The following COLEC10 variants were observed in gnomAD, a reference collection of about 807,000 sequenced individuals.
COLEC10 encodes the protein collectin-10.
COLEC10 carries 22 observed loss-of-function variants against 28.4 expected under a neutral mutation model. That is an observed-to-expected ratio of 0.78 (90% CI 0.55 to 1.11). The LOEUF (loss-of-function observed/expected upper bound fraction) is 1.11. Ranked by LOEUF, COLEC10 falls within the 50% of genes least tolerant of loss-of-function variation. The pLI is 0.00. For missense variants in COLEC10, 361 were observed against 344.1 expected, an observed-to-expected ratio of 1.05 and a Z score of -0.39; for synonymous variants, 125 against 116.1, an observed-to-expected ratio of 1.08 and a Z score of -0.49.
At position 119,039,356 on chromosome 8, in the gene COLEC10, C is replaced by T. The variant is rs570174491; in HGVS notation, n.235+29803C>T. Among the ~76,000 whole-genome samples the T allele has an allele frequency of 1.9e-4, 29 of 152,292 alleles. No individual in the cohort carries two copies. The South Asian group carries it at 5.8e-3, about 30-fold the overall frequency. On this transcript the variant is annotated intron_variant and non_coding_transcript_variant, in intron 2 of 6. Transcript: ENST00000521788. ...CTGCTAGGTGACCCATAGCTTAATG[C>T]ACTTCCCCTACTTTAAAGTTAATGC...
At chr8:119,037,414 T>A (rs1158285462) in intron 2 of COLEC10, among the ~76,000 whole-genome samples, 1 of 152,166 alleles carries the variant, frequency 6.6e-6, no homozygotes, top group African/African-American at 2.4e-5. Flanking sequence ...ACTTGATATT[T>A]TTTTTTTCCT....
chr8:118,981,794 C>A, the COLEC10 span, among the ~76,000 whole-genome samples: 1 of 152,032 alleles, frequency 6.6e-6, no homozygotes, highest in Non-Finnish European at 1.5e-5. Flanking sequence ...GTATTTTAGG[C>A]CCAGGTGATG....
chr8:119,043,294 A>G (rs1451800059), intron 2 of COLEC10, among the ~76,000 whole-genome samples: 1 of 152,196 alleles, frequency 6.6e-6, no homozygotes, highest in Admixed American at 6.5e-5. Flanking sequence ...TCCTTTCAGA[A>G]GACACATAAA....
intron 1 of COLEC10, among the ~76,000 whole-genome samples, chr8:119,003,386 C>T (rs1333146627): frequency 2.0e-5 from 3 of 151,902 alleles, no homozygotes; most frequent in Non-Finnish European, 4.4e-5. Flanking sequence ...GGTTTGGCCC[C>T]CAAATGGCAT....
chr8:119,102,523 C>T, intron 4 of COLEC10, 122 bp downstream of exon 4: 2 of 820,572 alleles, frequency 2.4e-6, no homozygotes, highest in East Asian at 5.6e-5. Context: ...TTATTTTCCT[C>T]AGGCTAGAAG....
chr8:118,953,211 G>A, the COLEC10 span, among the ~76,000 whole-genome samples: 3 of 152,236 alleles, frequency 2.0e-5, no homozygotes, highest in Non-Finnish European at 4.4e-5. Context: ...TCAAGGGCCA[G>A]AATGTAACAG....
intron 3 of COLEC10, among the ~76,000 whole-genome samples, chr8:119,100,962 C>T (rs1166572119): frequency 1.3e-5 from 2 of 152,156 alleles, no homozygotes; most frequent in African/African-American, 2.4e-5. Context: ...CCCCAGCAGG[C>T]ATGCCTTCTT....
At chr8:119,095,916 T>A (rs566074414) in intron 3 of COLEC10, among the ~76,000 whole-genome samples, 1 of 152,184 alleles carries the variant, frequency 6.6e-6, no homozygotes, top group South Asian at 2.1e-4. Context: ...ATAGTGTAAT[T>A]TCATGAAGAG....
upstream of COLEC10, chr8:118,995,315 G>A (rs900054105): frequency 1.3e-5 from 2 of 152,256 alleles, no homozygotes; most frequent in African/African-American, 4.8e-5. Context: ...GACTCACCCA[G>A]GCTGCCAGTA....
upstream of COLEC10, among the ~76,000 whole-genome samples, chr8:119,063,646 C>T (rs1459049639): frequency 6.6e-6 from 1 of 151,030 alleles, no homozygotes; most frequent in Non-Finnish European, 1.5e-5. Flanking sequence ...TGCAAAGACC[C>T]TTTTGTCACG....
chr8:118,989,301 T>C, the COLEC10 span, among the ~76,000 whole-genome samples: 390 of 152,038 alleles, frequency 2.6e-3, 2 homozygotes, highest in African/African-American at 9.0e-3. Context: ...TTTTCTAAAC[T>C]GAAATGCAAA....
the COLEC10 span, among the ~76,000 whole-genome samples, chr8:118,960,580 C>G: frequency 6.6e-6 from 1 of 151,708 alleles, no homozygotes; most frequent in South Asian, 2.1e-4. Flanking sequence ...GTCGAGAGAT[C>G]GAGACCATCC....
At chr8:119,082,961 T>G (rs563361559) in intron 1 of COLEC10, among the ~76,000 whole-genome samples, 1 of 152,310 alleles carries the variant, frequency 6.6e-6, no homozygotes, top group African/African-American at 2.4e-5. Flanking sequence ...ATTATCTGCT[T>G]CTTTGTCCAT....
At chr8:118,985,609 T>C in the COLEC10 span, among the ~76,000 whole-genome samples, 1 of 152,150 alleles carries the variant, frequency 6.6e-6, no homozygotes, top group Non-Finnish European at 1.5e-5. Flanking sequence ...ATTGAACATG[T>C]GCTCAAGCCT....
rs114265768 is a variant in COLEC10, at chr8:119,105,935, C to T, written c.578C>T (p.Thr193Ile). 4 of 1,613,880 alleles carry T rather than the reference C, an allele frequency of 2.5e-6. No homozygotes were observed. The highest frequency in any genetic ancestry group is 1.3e-5 in the African/African-American group (1 of 75,012). ...ATGCCCAAGGATGAAGCTGCCAACA[C>T]ACTCATCGCTGACTATGTTGCCAAG... ...LAMPKDEAAN[T>I]LIADYVAKSG... The change falls in exon 6 of 6, where the codon ACA becomes ATA. Residue 193 changes from threonine to isoleucine, a missense_variant. Thr to Ile is a moderately conservative substitution (Grantham distance 89, BLOSUM62 -1). Transcript: ENST00000332843.
the COLEC10 span, among the ~76,000 whole-genome samples, chr8:118,968,855 A>G: frequency 6.6e-6 from 1 of 151,772 alleles, no homozygotes; most frequent in African/African-American, 2.4e-5. Context: ...CCCACTTGTG[A>G]GTGAGAACAT....
chr8:118,972,984 T>A, the COLEC10 span, among the ~76,000 whole-genome samples: 7,859 of 151,960 alleles, frequency 0.052, 318 homozygotes, highest in East Asian at 0.16. Context: ...ATCAGATCTC[T>A]TGAGAACTCA....
intron 3 of COLEC10, among the ~76,000 whole-genome samples, chr8:119,097,719 G>T (rs943034561): frequency 6.6e-6 from 1 of 152,074 alleles, no homozygotes; most frequent in Admixed American, 6.6e-5. Context: ...TAGCAGGAAA[G>T]TGGGATGTTG....
intron 1 of COLEC10, among the ~76,000 whole-genome samples, chr8:118,998,764 G>A (rs1029994580): frequency 1.7e-4 from 24 of 143,256 alleles, no homozygotes; most frequent in African/African-American, 5.3e-4. Context: ...GGAGAAGAGC[G>A]TGAACCCGGG....
Sources: allele counts gnomAD v4.1 joint callset (sites outside exome capture counted in the v4.1 genomes callset), GRCh38; gene constraint gnomAD v4.1.1; transcripts MANE v1.5; gene names NCBI Gene and HGNC (gene_info 2026-07-23, HGNC 2026-07-21).